The following MGAT4C variants were observed in gnomAD, a reference collection of about 807,000 sequenced individuals.
MGAT4C encodes the protein alpha-1,3-mannosyl-glycoprotein 4-beta-N-acetylglucosaminyltransferase C.
MGAT4C carries 19 observed loss-of-function variants against 40.1 expected under a neutral mutation model. That is an observed-to-expected ratio of 0.47 (90% CI 0.33 to 0.70). The LOEUF (loss-of-function observed/expected upper bound fraction) is 0.70, where lower values mean the gene tolerates loss of function less well. MGAT4C is among the 30% of genes least tolerant of loss of function. The pLI is 0.02. For missense variants in MGAT4C, 491 were observed against 563.2 expected, an observed-to-expected ratio of 0.87 and a Z score of 1.30; for synonymous variants, 181 against 187.1, an observed-to-expected ratio of 0.97 and a Z score of 0.27.
At chr12:86,147,549 G>A (rs748830997) in intron 1 of MGAT4C, among the ~76,000 whole-genome samples, 3 of 152,098 alleles carry the variant, frequency 2.0e-5, no homozygotes, top group Non-Finnish European at 2.9e-5. Flanking sequence ...CCTATTAAAT[G>A]TTTTAACAGT....
chr12:86,548,033 A>G (rs1225120074), intron 2 of MGAT4C, among the ~76,000 whole-genome samples: 1 of 152,158 alleles, frequency 6.6e-6, no homozygotes, highest in Non-Finnish European at 1.5e-5. Flanking sequence ...TGTAGCTCTT[A>G]GGATCTTCAG....
At chr12:86,109,265 T>A (rs1347554043) in intron 1 of MGAT4C, among the ~76,000 whole-genome samples, 1 of 152,110 alleles carries the variant, frequency 6.6e-6, no homozygotes, top group Non-Finnish European at 1.5e-5. Flanking sequence ...AATTAATAGG[T>A]CTCCTCTTTT....
chr12:86,467,430 T>C (rs1042504076), intron 2 of MGAT4C, among the ~76,000 whole-genome samples: 2 of 152,170 alleles, frequency 1.3e-5, no homozygotes, highest in Admixed American at 6.5e-5. Context: ...TGCACTGTAA[T>C]ATGAAAGAGA....
intron 2 of MGAT4C, among the ~76,000 whole-genome samples, chr12:86,589,725 C>T: frequency 6.6e-6 from 1 of 151,984 alleles, no homozygotes; most frequent in Non-Finnish European, 1.5e-5. Context: ...TGGGCTTCAT[C>T]CCTGGGATGC....
chr12:86,036,834 T>A (rs1891284570), intron 2 of MGAT4C, among the ~76,000 whole-genome samples: 1 of 149,960 alleles, frequency 6.7e-6, no homozygotes, highest in African/African-American at 2.4e-5. Context: ...GTGTCCCCCT[T>A]TTTCTATTGT....
chr12:86,404,838 C>T (rs553407743), intron 3 of MGAT4C, among the ~76,000 whole-genome samples: 1 of 152,176 alleles, frequency 6.6e-6, no homozygotes, highest in South Asian at 2.1e-4. Flanking sequence ...AAAATAGATA[C>T]TTTCTCTTAG....
chr12:86,336,114 T>C (rs1346455952), intron 3 of MGAT4C, among the ~76,000 whole-genome samples: 3 of 152,240 alleles, frequency 2.0e-5, no homozygotes, highest in Non-Finnish European at 2.9e-5. Flanking sequence ...AAGTGTTATG[T>C]AAATAGTTGC....
chr12:86,680,492 G>C (rs1187309318), intron 2 of MGAT4C, among the ~76,000 whole-genome samples: 1 of 152,016 alleles, frequency 6.6e-6, no homozygotes, highest in African/African-American at 2.4e-5. Flanking sequence ...TTCCTACAGA[G>C]CTAAGCTTCA....
chr12:86,242,470 T>A (rs1187713187), intron 1 of MGAT4C, among the ~76,000 whole-genome samples: 4 of 152,156 alleles, frequency 2.6e-5, no homozygotes, highest in African/African-American at 9.7e-5. Context: ...CACGGACCCT[T>A]AAACAAGTAT....
intron 2 of MGAT4C, among the ~76,000 whole-genome samples, chr12:86,631,715 A>G (rs1379701470): frequency 6.6e-6 from 1 of 152,088 alleles, no homozygotes; most frequent in Non-Finnish European, 1.5e-5. Context: ...TAGAAAGCTG[A>G]AACTGGATCC....
At position 86,764,698 on chromosome 12, in the gene MGAT4C, C is replaced by T. The variant is rs1407795319; in HGVS notation, c.-261-37457G>A. Among the ~76,000 whole-genome samples the T allele has an allele frequency of 3.5e-4, 53 of 152,106 alleles. 1 individual carries two copies. The highest frequency in any genetic ancestry group is 1.2e-3 in the Admixed American group (19 of 15,254). On this transcript the variant is annotated intron_variant, in intron 1 of 7. Coordinates refer to the MGAT4C transcript ENST00000548651. ...AGAGGAACAATCAGACAGCAGCATT[C>T]GCAGTTCAGGAAAATCCGCTGTTCT...
intron 2 of MGAT4C, among the ~76,000 whole-genome samples, chr12:86,469,218 A>G (rs1957723835): frequency 1.3e-5 from 2 of 152,046 alleles, no homozygotes; most frequent in Admixed American, 1.3e-4. Flanking sequence ...CAACTTCTAG[A>G]GGGTTTCAAT....
intron 1 of MGAT4C, among the ~76,000 whole-genome samples, chr12:86,778,445 A>G (rs1047757766): frequency 6.6e-5 from 10 of 152,216 alleles, no homozygotes; most frequent in African/African-American, 2.4e-4. Context: ...TTAAAACAGT[A>G]GACCTGGCAA....
chr12:86,407,185 G>C (rs929437312), intron 3 of MGAT4C, among the ~76,000 whole-genome samples: 1 of 152,002 alleles, frequency 6.6e-6, no homozygotes, highest in Middle Eastern at 3.4e-3. Flanking sequence ...GATCTGCAAG[G>C]GTCCAAAATG....
rs551611959 is a variant in MGAT4C at position 86,520,464 on chromosome 12, C to G, written c.-228-85199G>C. Among the ~76,000 whole-genome samples the G allele has an allele frequency of 2.6e-5, 4 of 152,226 alleles. No individual in the cohort carries two copies. In the East Asian group the frequency reaches 7.7e-4, roughly 29 times the overall value. On this transcript the variant is annotated intron_variant, in intron 2 of 7. Coordinates refer to the MGAT4C transcript ENST00000548651. ...TGTATATCTACCACATTTTCTTTTT[C>G]CAGTCTACCTTTGATGGGCATTTAG...
chr12:86,074,072 T>C (rs1267254750), intron 1 of MGAT4C, among the ~76,000 whole-genome samples: 1 of 152,164 alleles, frequency 6.6e-6, no homozygotes, highest in Non-Finnish European at 1.5e-5. Context: ...CATGCTGTGC[T>C]CCTGATAGTG....
chr12:86,582,283 A>G (rs995044460), intron 2 of MGAT4C, among the ~76,000 whole-genome samples: 3 of 151,364 alleles, frequency 2.0e-5, no homozygotes, highest in Non-Finnish European at 3.0e-5. Context: ...TTAGAATGTT[A>G]TAACTTTGAA....
At chr12:86,794,093 A>G (rs1198525414) in intron 1 of MGAT4C, among the ~76,000 whole-genome samples, 1 of 151,938 alleles carries the variant, frequency 6.6e-6, no homozygotes, top group Non-Finnish European at 1.5e-5. Context: ...TTATGACTTT[A>G]TGGTGCATAA....
chr12:86,663,945 T>C (rs1214445902), intron 2 of MGAT4C, among the ~76,000 whole-genome samples: 2 of 152,120 alleles, frequency 1.3e-5, no homozygotes, highest in Non-Finnish European at 2.9e-5. Context: ...GTTGCTTGAG[T>C]TTCTGTATTT....
Sources: gnomAD v4.1 joint callset for allele counts (sites outside exome capture counted in the v4.1 genomes callset) on GRCh38, gnomAD v4.1.1 for gene constraint, MANE v1.5 for transcripts, NCBI Gene and HGNC (gene_info 2026-07-23, HGNC 2026-07-21) for gene names.